The following PTPRD variants were observed in gnomAD, a reference collection of about 807,000 sequenced individuals.
The protein encoded by PTPRD is protein tyrosine phosphatase receptor type D, also known as receptor-type tyrosine-protein phosphatase delta.
In PTPRD, 34 loss-of-function variants were observed where a neutral mutation model predicts 214.5. That is an observed-to-expected ratio of 0.16 (90% CI 0.12 to 0.21). The LOEUF (loss-of-function observed/expected upper bound fraction) is 0.21, where lower values mean the gene tolerates loss of function less well. Among genes scored for constraint, PTPRD ranks in the 10% least tolerant of loss-of-function variants. The pLI is 1.00. For synonymous variants in PTPRD, 1,128 were observed against 845.7 expected (o/e 1.33, Z -5.79); for missense variants, 2,545 against 2,398.7 (o/e 1.06, Z -1.27).
intron 14 of PTPRD, among the ~76,000 whole-genome samples, chr9:8,546,538 G>T (rs1210556337): frequency 6.6e-6 from 1 of 151,004 alleles, no homozygotes; most frequent in Non-Finnish European, 1.5e-5. Context: ...TCACTCTGTA[G>T]TCCAGGCTGG....
At chr9:9,686,141 T>C (rs1237407681) in intron 7 of PTPRD, among the ~76,000 whole-genome samples, 1 of 151,360 alleles carries the variant, frequency 6.6e-6, no homozygotes, top group Non-Finnish European at 1.5e-5. Flanking sequence ...GTTGTTGCTG[T>C]TGTTGAAATA....
At chr9:8,546,076 G>A (rs72696623) in intron 14 of PTPRD, among the ~76,000 whole-genome samples, 4 of 152,112 alleles carry the variant, frequency 2.6e-5, no homozygotes, top group African/African-American at 9.7e-5. Flanking sequence ...TCACTTAACC[G>A]ACCACATAGT....
chr9:8,934,423 A>G (rs10759019), intron 11 of PTPRD, among the ~76,000 whole-genome samples: 36,615 of 59,666 alleles, frequency 0.61, 9,739 homozygotes, highest in South Asian at 0.71. Flanking sequence ...GTGTGTGTGT[A>G]TATATATATA....
At chr9:9,176,071 T>A (rs1159994964) in intron 10 of PTPRD, among the ~76,000 whole-genome samples, 4 of 152,164 alleles carry the variant, frequency 2.6e-5, no homozygotes, top group Non-Finnish European at 5.9e-5. Context: ...CAATCTCACA[T>A]TGCTACTCTT....
chr9:9,345,503 TA>T (rs2048448043), intron 9 of PTPRD, among the ~76,000 whole-genome samples: 1 of 149,638 alleles, frequency 6.7e-6, no homozygotes, highest in South Asian at 2.1e-4. Flanking sequence ...CTAAATAAAA[TA>T]TTTTTTTTAC....
At chr9:9,632,439 G>A (rs75317063) in intron 7 of PTPRD, among the ~76,000 whole-genome samples, 2,449 of 152,184 alleles carry the variant, frequency 0.016, 65 homozygotes, top group African/African-American at 0.056. Context: ...TTTGATGGTT[G>A]TTTTTGTAGG....
intron 6 of PTPRD, among the ~76,000 whole-genome samples, chr9:9,758,771 C>G (rs988995275): frequency 6.6e-6 from 1 of 151,150 alleles, no homozygotes; most frequent in Non-Finnish European, 1.5e-5. Flanking sequence ...TACTCCCACC[C>G]CCCATATATT....
At chr9:8,519,770 G>A (rs1046257367) in intron 20 of PTPRD, among the ~76,000 whole-genome samples, 1 of 152,120 alleles carries the variant, frequency 6.6e-6, no homozygotes, top group African/African-American at 2.4e-5. Context: ...TCACTCTTAT[G>A]TTTTATTTGT....
chr9:10,594,289 A>T (rs1016098212), intron 2 of PTPRD, among the ~76,000 whole-genome samples: 3 of 151,990 alleles, frequency 2.0e-5, no homozygotes, highest in African/African-American at 7.2e-5. Context: ...GTCTTCAGTA[A>T]AACTGAACTG....
Position 8,376,513 on chromosome 9 carries a change from T to G in PTPRD, c.4506+94A>C. ...TTCACTGTTGCCATTGAGATCAAGA[T>G]TTAAGTAAAGCCTTAAGAGATTTCA... On this transcript the variant is annotated intron_variant, in intron 38 of 45. Transcript: ENST00000381196. The G allele has an allele frequency of 1.9e-6, 3 of 1,559,316 alleles. No individual in the cohort carries two copies. The South Asian group carries it at 3.4e-5, about 18-fold the overall frequency.
chr9:10,321,399 T>C (rs1489035698), intron 3 of PTPRD, among the ~76,000 whole-genome samples: 2 of 151,832 alleles, frequency 1.3e-5, no homozygotes, highest in Non-Finnish European at 2.9e-5. Context: ...AAATGAGTAG[T>C]AGGTGCAACA....
chr9:9,980,639 A>AAAC (rs2095513397), intron 4 of PTPRD, among the ~76,000 whole-genome samples: 3 of 135,072 alleles, frequency 2.2e-5, no homozygotes, highest in Admixed American at 7.4e-5. Context: ...AAAAAACAAA[A>AAAC]AAAAAAACCC....
intron 2 of PTPRD, among the ~76,000 whole-genome samples, chr9:10,412,402 C>T (rs1407459497): frequency 6.6e-6 from 1 of 151,376 alleles, no homozygotes; most frequent in East Asian, 2.0e-4. Context: ...TAATTAGCTT[C>T]AAAACTGAAT....
intron 35 of PTPRD, among the ~76,000 whole-genome samples, chr9:8,410,101 T>C (rs1377132184): frequency 6.6e-6 from 1 of 152,230 alleles, no homozygotes; most frequent in Non-Finnish European, 1.5e-5. Context: ...ATTGTCTCTC[T>C]CTTCTCTGTT....
chr9:9,649,367 C>A (rs995182194), intron 7 of PTPRD, among the ~76,000 whole-genome samples: 5 of 152,024 alleles, frequency 3.3e-5, no homozygotes, highest in African/African-American at 1.2e-4. Flanking sequence ...TGTAAAATGG[C>A]AAAATCAGAG....
chr9:10,045,850 G>C (rs1320366176), intron 3 of PTPRD, among the ~76,000 whole-genome samples: 1 of 151,542 alleles, frequency 6.6e-6, no homozygotes, highest in Non-Finnish European at 1.5e-5. Context: ...TTTTTAAAAG[G>C]AGCTAGCTGC....
intron 3 of PTPRD, among the ~76,000 whole-genome samples, chr9:10,076,959 A>T (rs899967030): frequency 4.5e-4 from 68 of 152,238 alleles, no homozygotes; most frequent in Admixed American, 1.2e-3. Flanking sequence ...CTTGGTACAC[A>T]CTATGTACAA....
chr9:8,508,413 C>T (rs1445925936), intron 21 of PTPRD, among the ~76,000 whole-genome samples: 2 of 152,206 alleles, frequency 1.3e-5, no homozygotes, highest in African/African-American at 4.8e-5. Flanking sequence ...TCTAATCGTA[C>T]ATTGTTCTTG....
intron 11 of PTPRD, among the ~76,000 whole-genome samples, chr9:8,950,454 C>T: frequency 1.3e-5 from 2 of 149,998 alleles, no homozygotes. Context: ...TGCTTATATG[C>T]ACCAATTCAG....
Sources: allele counts gnomAD v4.1 joint callset (sites outside exome capture counted in the v4.1 genomes callset), GRCh38; gene constraint gnomAD v4.1.1; transcripts MANE v1.5; gene names NCBI Gene and HGNC (gene_info 2026-07-23, HGNC 2026-07-21).